The following AUTS2 variants were observed in gnomAD, a reference collection of about 807,000 sequenced individuals.
The protein encoded by AUTS2 is activator of transcription and developmental regulator AUTS2.
In AUTS2, 17 loss-of-function variants were observed where a neutral mutation model predicts 112.4. That is an observed-to-expected ratio of 0.15 (90% confidence interval 0.10 to 0.23). The LOEUF is 0.23. AUTS2 is among the 10% of genes least tolerant of loss of function. The probability of loss-of-function intolerance (pLI) is 1.00; values close to 1 mark genes in which losing one functional copy is unlikely to be tolerated. For missense variants in AUTS2, 1,510 were observed against 1,701.6 expected, an observed-to-expected ratio of 0.89 and a Z score of 1.98; for synonymous variants, 751 against 702.7, an observed-to-expected ratio of 1.07 and a Z score of -1.09.
intron 1 of AUTS2, among the ~76,000 whole-genome samples, chr7:69,751,601 T>G (rs190123537): frequency 2.8e-4 from 43 of 152,344 alleles, no homozygotes; most frequent in African/African-American, 9.6e-4. Flanking sequence ...CAGGCCTTTA[T>G]TCATCAGTGG....
chr7:70,265,184 G>T (rs554468470), intron 4 of AUTS2, among the ~76,000 whole-genome samples: 1 of 152,182 alleles, frequency 6.6e-6, no homozygotes, highest in African/African-American at 2.4e-5. Context: ...AATCAGCCTC[G>T]CTGCTAATTC....
intron 1 of AUTS2, among the ~76,000 whole-genome samples, chr7:69,734,199 A>C (rs1786927616): frequency 6.6e-6 from 1 of 152,218 alleles, no homozygotes; most frequent in Non-Finnish European, 1.5e-5. Context: ...ATACCTTTTT[A>C]AAAGCTGTCT....
chr7:70,158,570 T>G (rs1807907415), intron 4 of AUTS2, among the ~76,000 whole-genome samples: 1 of 152,166 alleles, frequency 6.6e-6, no homozygotes, highest in South Asian at 2.1e-4. Context: ...ATTTGAATCC[T>G]AGACCTGCCA....
chr7:69,775,065 AT>A (rs963873411), intron 1 of AUTS2, among the ~76,000 whole-genome samples: 2 of 151,966 alleles, frequency 1.3e-5, no homozygotes, highest in Admixed American at 1.3e-4. Flanking sequence ...AATTTTTTGT[AT>A]TTTTTTTATT....
intron 1 of AUTS2, among the ~76,000 whole-genome samples, chr7:69,815,874 TG>T (rs1157259201): frequency 6.6e-6 from 1 of 152,208 alleles, no homozygotes; most frequent in East Asian, 1.9e-4. Flanking sequence ...TACCTGTTAA[TG>T]GTGAGATACA....
At chr7:69,945,870 TG>T (rs1259813861) in intron 2 of AUTS2, among the ~76,000 whole-genome samples, 8 of 152,260 alleles carry the variant, frequency 5.3e-5, no homozygotes, top group Non-Finnish European at 7.4e-5. Flanking sequence ...GTTTTCAAGA[TG>T]GGCTCTTACT....
At chr7:70,083,190 T>C (rs1344842736) in intron 2 of AUTS2, among the ~76,000 whole-genome samples, 1 of 152,136 alleles carries the variant, frequency 6.6e-6, no homozygotes, top group East Asian at 1.9e-4. Flanking sequence ...GACTTCCAGG[T>C]TGTCATCTGC....
chr7:70,245,285 T>G (rs1444653090), intron 4 of AUTS2, among the ~76,000 whole-genome samples: 1 of 151,804 alleles, frequency 6.6e-6, no homozygotes. Flanking sequence ...TTCTAGCTCT[T>G]TTGAGCAATA....
intron 5 of AUTS2, among the ~76,000 whole-genome samples, chr7:70,460,715 T>A (rs1039697098): frequency 1.3e-5 from 2 of 152,172 alleles, no homozygotes; most frequent in Non-Finnish European, 2.9e-5. Flanking sequence ...CTGGCACTTA[T>A]CAGCCCTGAG....
In AUTS2 at chr7:69,879,472, C is replaced by T. The variant is rs976746350; in HGVS notation, c.310-19814C>T. ...GCCTGAGATTTTGAACATTTGCCTC[C>T]AGAAAATGTAGGCAGTTTCTGTGGC... On this transcript the variant is annotated intron_variant, in intron 1 of 18. Coordinates refer to ENST00000342771, the MANE Select transcript of AUTS2 (RefSeq NM_015570.4). Among the ~76,000 whole-genome samples the T allele has an allele frequency of 2.6e-5, 4 of 152,014 alleles. No individual in the cohort carries two copies. The East Asian group carries it at 7.7e-4, about 29-fold the overall frequency.
intron 5 of AUTS2, among the ~76,000 whole-genome samples, chr7:70,598,565 A>G (rs1803312189): frequency 6.6e-6 from 1 of 152,062 alleles, no homozygotes; most frequent in Non-Finnish European, 1.5e-5. Flanking sequence ...CACACACCTG[A>G]CTGTGAGCTG....
chr7:70,268,426 G>C (rs932183473), intron 4 of AUTS2, among the ~76,000 whole-genome samples: 5 of 152,136 alleles, frequency 3.3e-5, no homozygotes, highest in African/African-American at 1.2e-4. Flanking sequence ...TCTATAAGTA[G>C]CTTAGTACAG....
chr7:69,697,043 A>G (rs1797591765), intron 1 of AUTS2, among the ~76,000 whole-genome samples: 1 of 152,244 alleles, frequency 6.6e-6, no homozygotes, highest in South Asian at 2.1e-4. Context: ...AAACTGTTGG[A>G]CAATGATTCT....
chr7:70,564,985 C>A (rs559817362), intron 5 of AUTS2, among the ~76,000 whole-genome samples: 105 of 152,142 alleles, frequency 6.9e-4, no homozygotes, highest in African/African-American at 2.4e-3. Context: ...GTAGTCCCAG[C>A]TACTCAGGAG....
intron 4 of AUTS2, among the ~76,000 whole-genome samples, chr7:70,248,933 A>G (rs1813070504): frequency 6.6e-6 from 1 of 152,116 alleles, no homozygotes; most frequent in Admixed American, 6.6e-5. Context: ...TCTACTCTTC[A>G]TTTTTATTGC....
intron 2 of AUTS2, among the ~76,000 whole-genome samples, chr7:69,953,954 G>A (rs1374601317): frequency 6.6e-6 from 1 of 152,104 alleles, no homozygotes; most frequent in Non-Finnish European, 1.5e-5. Context: ...TATTTGTGCA[G>A]CTATTCCCTT....
At chr7:69,727,195 G>T (rs1028452983) in intron 1 of AUTS2, among the ~76,000 whole-genome samples, 4 of 152,106 alleles carry the variant, frequency 2.6e-5, no homozygotes, top group African/African-American at 9.7e-5. Flanking sequence ...TGAGGTAAGG[G>T]TAGAGGTTCA....
intron 5 of AUTS2, among the ~76,000 whole-genome samples, chr7:70,530,284 T>C (rs955017912): frequency 6.6e-6 from 1 of 152,186 alleles, no homozygotes; most frequent in Non-Finnish European, 1.5e-5. Context: ...ATGAAGCTTA[T>C]GGTTCAAGTT....
chr7:70,227,469 C>G lies in AUTS2; in HGVS notation c.660+92898C>G, dbSNP rs914441154. On this transcript the variant is annotated intron_variant, in intron 4 of 18. Transcript: ENST00000342771. The stretch of plus-strand genomic sequence containing the variant: ...TTGTAACCATCACCACAATATGATA[C>G]AGAACATTTGCATCATTCCAGAAAG... Among the ~76,000 whole-genome samples, 9 of 152,180 alleles carry G rather than the reference C, an allele frequency of 5.9e-5. No homozygotes were observed. The East Asian group carries it at 7.7e-4, about 13-fold the overall frequency.
Sources: gnomAD v4.1 joint callset for allele counts (sites outside exome capture counted in the v4.1 genomes callset) on GRCh38, gnomAD v4.1.1 for gene constraint, MANE v1.5 for transcripts, NCBI Gene and HGNC (gene_info 2026-07-23, HGNC 2026-07-21) for gene names.